Variants in TMEM260 observed in about 807,000 individuals in gnomAD.
The protein encoded by TMEM260 is transmembrane protein 260, also known as protein O-mannosyl-transferase TMEM260.
TMEM260 carries 82 observed loss-of-function variants against 88.9 expected under a neutral mutation model. The observed-to-expected ratio is 0.92, with a 90% CI of 0.77 to 1.11. TMEM260 has a LOEUF of 1.11. Among genes scored for constraint, TMEM260 ranks in the 50% least tolerant of loss-of-function variants. The pLI is 0.00. For missense variants in TMEM260, 902 were observed against 853.4 expected, an observed-to-expected ratio of 1.06 and a Z score of -0.71; for synonymous variants, 314 against 309.3, an observed-to-expected ratio of 1.02 and a Z score of -0.16.
intron 15 of TMEM260, among the ~76,000 whole-genome samples, chr14:56,645,400 A>AT (rs1475953400): frequency 6.6e-6 from 1 of 151,800 alleles, no homozygotes; most frequent in Non-Finnish European, 1.5e-5. Flanking sequence ...AGGACAAAAA[A>AT]CCAAGCACCA....
At chr14:56,585,268 T>A (rs938630842) in intron 2 of TMEM260, among the ~76,000 whole-genome samples, 1 of 152,142 alleles carries the variant, frequency 6.6e-6, no homozygotes, top group Non-Finnish European at 1.5e-5. Context: ...CCAAATTTTG[T>A]ATAAGCTGTG....
At chr14:56,638,677 C>T (rs1889319462) in intron 15 of TMEM260, among the ~76,000 whole-genome samples, 1 of 152,024 alleles carries the variant, frequency 6.6e-6, no homozygotes, top group Non-Finnish European at 1.5e-5. Context: ...TGAATTACCA[C>T]CCCCAGTGCT....
At position 56,580,075 on chromosome 14, in the gene TMEM260, G is replaced by T; in HGVS notation, c.160+1G>T. 8.0e-7 allele frequency: 1 copy of T among 1,251,542 alleles called. No individual in the cohort carries two copies. 77.5% of individuals were successfully genotyped at this position (1,251,542 alleles called of 1,614,324 possible). A position where few individuals can be genotyped will look rare whatever the true frequency, so the allele number is the denominator to read the frequency against. On this transcript the variant is annotated splice_donor_variant, in intron 1 of 15. Coordinates refer to ENST00000261556, the MANE Select transcript of TMEM260 (RefSeq NM_017799.4). LOFTEE classifies it high-confidence loss of function. ...CCTTCGGTACCGGGGGGAGACTCCG[G>T]TAAAGTACTCGCAGGGTTGCCCCTT...
chr14:56,610,386 G>A (rs1485558150), intron 6 of TMEM260, among the ~76,000 whole-genome samples: 8 of 151,940 alleles, frequency 5.3e-5, no homozygotes, highest in Non-Finnish European at 8.8e-5. Context: ...GACTACAGAC[G>A]CCCACCACCA....
intron 15 of TMEM260, among the ~76,000 whole-genome samples, chr14:56,639,413 T>C (rs1412047168): frequency 1.3e-5 from 2 of 152,204 alleles, no homozygotes; most frequent in Admixed American, 6.5e-5. Flanking sequence ...AAATATCTCA[T>C]GTACCTTATA....
At chr14:56,654,135 A>AT (rs374190350), downstream of TMEM260, among the ~76,000 whole-genome samples, 1 of 151,976 alleles carries the variant, frequency 6.6e-6, no homozygotes. Context: ...CCAGAATGTA[A>AT]TTTTTTTCCC....
downstream of TMEM260, among the ~76,000 whole-genome samples, chr14:56,653,745 A>C (rs71414128): frequency 8.7e-5 from 12 of 137,446 alleles, no homozygotes; most frequent in Admixed American, 1.6e-4. Context: ...CCAAAACAAA[A>C]AAAAAAAAAA....
At position 56,647,526 on chromosome 14, in the gene TMEM260, C is replaced by A; in HGVS notation, c.*29C>A. 6.5e-7 allele frequency: 1 copy of A among 1,550,072 alleles called. No homozygotes were observed. On this transcript the variant is annotated 3_prime_UTR_variant, in exon 16 of 16. Coordinates refer to ENST00000261556, the MANE Select transcript of TMEM260 (RefSeq NM_017799.4). ...AGCAAAATATGAAAAACCTGCTCATCGTTCAGCTTCCAAAATTCTGAAGTC... is the reference window on the plus strand; with the variant it reads ...AGCAAAATATGAAAAACCTGCTCATAGTTCAGCTTCCAAAATTCTGAAGTC...
At chr14:56,639,583 C>T (rs111545076) in intron 15 of TMEM260, among the ~76,000 whole-genome samples, 3,942 of 152,236 alleles carry the variant, frequency 0.026, 188 homozygotes, top group African/African-American at 0.089. Context: ...ACGCAGAAGA[C>T]GGGTGATTTC....
chr14:56,646,009 G>T (rs1039577981), intron 15 of TMEM260, among the ~76,000 whole-genome samples: 1 of 152,120 alleles, frequency 6.6e-6, no homozygotes, highest in Admixed American at 6.6e-5. Context: ...GGCCAGGCTG[G>T]TCTCCAACTC....
At chr14:56,657,124 A>G in the TMEM260 span, among the ~76,000 whole-genome samples, 1 of 152,242 alleles carries the variant, frequency 6.6e-6, no homozygotes, top group African/African-American at 2.4e-5. Context: ...GTCTCCTACC[A>G]GGACAGCTTC....
intron 11 of TMEM260, among the ~76,000 whole-genome samples, chr14:56,624,610 T>C (rs1888128216): frequency 1.3e-5 from 2 of 152,078 alleles, no homozygotes. Flanking sequence ...TGCCAGGCAG[T>C]GTGCTAGGTG....
intron 15 of TMEM260, among the ~76,000 whole-genome samples, chr14:56,644,239 C>A (rs567908699): frequency 2.0e-5 from 3 of 152,296 alleles, no homozygotes; most frequent in African/African-American, 7.2e-5. Context: ...AGGCATCACA[C>A]TACCTGACTT....
chr14:56,606,847 A>G (rs1209723459), intron 5 of TMEM260, among the ~76,000 whole-genome samples: 1 of 152,208 alleles, frequency 6.6e-6, no homozygotes, highest in East Asian at 1.9e-4. Context: ...GTGAGCCGAT[A>G]TCGCGCCACT....
chr14:56,658,421 A>AT, the TMEM260 span, among the ~76,000 whole-genome samples: 1 of 151,728 alleles, frequency 6.6e-6, no homozygotes, highest in Non-Finnish European at 1.5e-5. Context: ...CTAATTTTGT[A>AT]TTTTTTGTAG....
chr14:56,654,239 G>A (rs371770809), downstream of TMEM260, among the ~76,000 whole-genome samples: 12 of 152,134 alleles, frequency 7.9e-5, no homozygotes, highest in East Asian at 1.4e-3. Context: ...CAAATTAAAA[G>A]GTTTTAGTGT....
Position 56,625,364 on chromosome 14 carries a change from G to A in TMEM260, c.1399-18G>A. On this transcript the variant is annotated intron_variant, in intron 11 of 15. Transcript: ENST00000261556. ...AAATATATTAAAAGTCTGACATTATGTGTGACTTTTCTGGCAGATGATGAC... is the reference window on the plus strand; with the variant it reads ...AAATATATTAAAAGTCTGACATTATATGTGACTTTTCTGGCAGATGATGAC... The A allele has an allele frequency of 4.3e-6, 7 of 1,609,276 alleles. No homozygotes were observed. Among genetic ancestry groups the A allele is most frequent in the African/African-American group, 2.7e-5 (2 of 74,828 alleles).
chr14:56,626,703 T>A (rs1318839785), intron 12 of TMEM260, among the ~76,000 whole-genome samples: 1 of 152,190 alleles, frequency 6.6e-6, no homozygotes, highest in Non-Finnish European at 1.5e-5. Context: ...TAATTCTGTT[T>A]GGGGACATTC....
At chr14:56,586,018 A>G (rs1406985224) in intron 3 of TMEM260, 106 bp downstream of exon 3, 25 of 1,139,384 alleles carry the variant, frequency 2.2e-5, no homozygotes, top group Middle Eastern at 2.5e-4. Flanking sequence ...TGGTTTCCCT[A>G]ACACATGTGA....
Sources: allele counts gnomAD v4.1 joint callset (sites outside exome capture counted in the v4.1 genomes callset), GRCh38; gene constraint gnomAD v4.1.1; transcripts MANE v1.5; gene names NCBI Gene and HGNC (gene_info 2026-07-23, HGNC 2026-07-21).